The following ZNF81 variants were observed in gnomAD, a reference collection of about 807,000 sequenced individuals.
ZNF81 encodes zinc finger protein 81, also known as zinc finger protein 81 (HFZ20).
A neutral mutation model predicts 32.3 loss-of-function variants in ZNF81; 5 were observed. That is an observed-to-expected ratio of 0.15 (90% CI 0.08 to 0.33). The LOEUF is 0.33. Among genes scored for constraint, ZNF81 ranks in the 10% least tolerant of loss-of-function variants. The pLI is 1.00. For missense variants in ZNF81, 379 were observed against 479.8 expected, an observed-to-expected ratio of 0.79 and a Z score of 1.96; for synonymous variants, 163 against 166.8, an observed-to-expected ratio of 0.98 and a Z score of 0.17.
At chrX:47,878,205 C>T (rs1430366822) in intron 2 of ZNF81, among the ~76,000 whole-genome samples, 1 of 111,582 alleles carries the variant, frequency 9.0e-6, no homozygotes, top group African/African-American at 3.3e-5. Context: ...ATGAATTTTC[C>T]TCTTTTTGTC....
At chrX:47,841,949 AT>A (rs1556879834) in intron 1 of ZNF81, among the ~76,000 whole-genome samples, 1 of 111,620 alleles carries the variant, frequency 9.0e-6, no homozygotes, top group African/African-American at 3.3e-5. Context: ...TCATATAAAC[AT>A]TTAGTGCTAT....
Position 47,915,849 on chromosome X carries a change from C to T in ZNF81, c.1203C>T (p.Leu401=). Residue 401 remains leucine, a synonymous_variant, in exon 5 of 5, where the codon CTC becomes CTT. Transcript: ENST00000338637. ...AAGGCTTCTCCCTGAACTCAGCCCT[C>T]AATATACATCAGAAAATTCACACTG... ...CGKGFSLNSA[L]NIHQKIHTGE... is the part of the protein sequence containing the mutation. The T allele has an allele frequency of 1.7e-6, 2 of 1,209,914 alleles. No homozygotes were observed. The highest frequency in any genetic ancestry group is 2.2e-6 in the Non-Finnish European group (2 of 894,730).
chrX:47,870,689 G>A (rs1556883800), intron 2 of ZNF81, among the ~76,000 whole-genome samples: 1 of 112,436 alleles, frequency 8.9e-6, no homozygotes, highest in East Asian at 2.8e-4. Context: ...TGCGGGCATT[G>A]ATTCTATGAA....
rs782052766 is a variant in ZNF81 at position 47,921,730 on chromosome X, G to GCTA, written c.*5100_*5102dup. ...TGGCTCATCATAGGGGAAACCTGCT[G>GCTA]CTACATCATGAGATAGCCCTGTGGA... On this transcript the variant is annotated 3_prime_UTR_variant, in exon 5 of 5. Coordinates refer to ENST00000338637, the MANE Select transcript of ZNF81 (RefSeq NM_007137.5). The GCTA allele has an allele frequency of 2.5e-3, 274 of 111,038 alleles. 1 individual carries two copies. Among genetic ancestry groups the GCTA allele is most frequent in the African/African-American group, 8.6e-3 (262 of 30,539 alleles). The allele number at this position is 111,038 out of a possible 1,213,427, so 9.2% of individuals were successfully genotyped here.
intron 3 of ZNF81, among the ~76,000 whole-genome samples, chrX:47,892,455 T>C (rs1285937652): frequency 8.9e-6 from 1 of 112,030 alleles, no homozygotes; most frequent in Admixed American, 9.4e-5. Context: ...GATGAACAGG[T>C]ATCACAAGAT....
intron 4 of ZNF81, among the ~76,000 whole-genome samples, chrX:47,899,052 A>G (rs1198900499): frequency 9.0e-6 from 1 of 111,481 alleles, no homozygotes; most frequent in African/African-American, 3.3e-5. Context: ...AAATAGGGAC[A>G]CTTTTACATC....
chrX:47,879,144 C>T lies in ZNF81; in HGVS notation c.55-8855C>T, dbSNP rs1209972987. 7.2e-5 allele frequency among the ~76,000 whole-genome samples: 8 copies of T among 111,798 alleles called. No individual in the cohort carries two copies. In the East Asian group the frequency reaches 2.0e-3, roughly 27 times the overall value. On this transcript the variant is annotated intron_variant, in intron 2 of 4. Coordinates refer to ENST00000338637, the MANE Select transcript of ZNF81 (RefSeq NM_007137.5). ...TATTTTAGGTCTGCTGATTTAAAAC[C>T]TTAATACCGTATGCAACCTTAATTT...
At chrX:47,847,281 C>A (rs782366037) in intron 2 of ZNF81, among the ~76,000 whole-genome samples, 32 of 111,323 alleles carry the variant, frequency 2.9e-4, no homozygotes, top group Non-Finnish European at 4.9e-4. Flanking sequence ...GTGGCACGAT[C>A]ATAGCTTACT....
chrX:47,841,126 G>T, intron 1 of ZNF81: 1 of 847,467 alleles, frequency 1.2e-6, no homozygotes, highest in Non-Finnish European at 1.7e-6. Flanking sequence ...CCCTGGGAAG[G>T]CAATTTCATG....
At chrX:47,897,393 C>T (rs2058683266) in intron 4 of ZNF81, among the ~76,000 whole-genome samples, 1 of 112,050 alleles carries the variant, frequency 8.9e-6, no homozygotes, top group African/African-American at 3.2e-5. Flanking sequence ...ATATCTTTCT[C>T]ATTTTTTAAT....
intron 3 of ZNF81, among the ~76,000 whole-genome samples, chrX:47,890,610 C>T (rs1556886356): frequency 8.9e-6 from 1 of 111,782 alleles, no homozygotes; most frequent in Non-Finnish European, 1.9e-5. Context: ...TCATATGGTC[C>T]AAGCAGCAGA....
chrX:47,915,495 C>T lies in ZNF81; in HGVS notation c.849C>T (p.Phe283=), dbSNP rs781864316. ...CATGTACTGAATTTGGGAAGATCTT[C>T]ACCCAGAGGTCACATTTCTTTGCTC... ...ANTCTEFGKI[F]TQRSHFFAPQ... The change falls in exon 5 of 5, where the codon TTC becomes TTT. Residue 283 remains phenylalanine (F), a synonymous_variant. Coordinates refer to ENST00000338637, the MANE Select transcript of ZNF81 (RefSeq NM_007137.5). 7 of 1,211,637 alleles carry T rather than the reference C, an allele frequency of 5.8e-6. No homozygotes were observed. The South Asian group carries it at 1.2e-4, about 21-fold the overall frequency.
intron 2 of ZNF81, among the ~76,000 whole-genome samples, chrX:47,872,198 T>C (rs782115145): frequency 2.7e-5 from 3 of 111,898 alleles, no homozygotes; most frequent in Non-Finnish European, 5.6e-5. Context: ...ATCTGCAAAA[T>C]TGCAGCCTTT....
chrX:47,857,422 A>G (rs981064834), intron 2 of ZNF81, among the ~76,000 whole-genome samples: 27 of 112,832 alleles, frequency 2.4e-4, no homozygotes, highest in African/African-American at 8.4e-4. Flanking sequence ...GAGAAAGCAT[A>G]AATCACCTTA....
At chrX:47,839,240 G>T (rs2058437155) in intron 1 of ZNF81, among the ~76,000 whole-genome samples, 1 of 111,722 alleles carries the variant, frequency 9.0e-6, no homozygotes. Context: ...GAAGCCATCT[G>T]GGCCTGGAAA....
At chrX:47,876,354 G>A (rs2058599547) in intron 2 of ZNF81, among the ~76,000 whole-genome samples, 1 of 112,423 alleles carries the variant, frequency 8.9e-6, no homozygotes, top group Non-Finnish European at 1.9e-5. Context: ...TAGGCTAGGG[G>A]TTCTCCAAAT....
In ZNF81 at chrX:47,850,346, TTAA is replaced by T. The variant is rs1177483883; in HGVS notation, c.54+4026_54+4028del. On this transcript the variant is annotated intron_variant, in intron 2 of 4. Transcript: ENST00000338637. ...TGGGCAACATAATGAGACCCATCTC[TTAA>T]AAAAAAAAAAAAAAAAGAAAGAAAA... 5.0e-5 allele frequency among the ~76,000 whole-genome samples: 3 copies of T among 60,295 alleles called. No homozygotes were observed. The East Asian group carries it at 2.7e-3, about 55-fold the overall frequency. 52.4% of individuals were successfully genotyped at this position (60,295 alleles called of 115,157 possible).
At chrX:47,897,495 A>G (rs782108343) in intron 4 of ZNF81, among the ~76,000 whole-genome samples, 57 of 111,936 alleles carry the variant, frequency 5.1e-4, no homozygotes, top group African/African-American at 1.8e-3. Flanking sequence ...TTTTGTTCCA[A>G]TCTGTGGCTT....
chrX:47,916,811 C>T lies in ZNF81; in HGVS notation c.*179C>T. ...TTCAGAAGAAACTCTCTTAAAAATGCATTGAAGGAGAGAGAATTTGCACAG... is the reference window on the plus strand; with the variant it reads ...TTCAGAAGAAACTCTCTTAAAAATGTATTGAAGGAGAGAGAATTTGCACAG... On this transcript the variant is annotated 3_prime_UTR_variant, in exon 5 of 5. Transcript: ENST00000338637. 2.3e-6 allele frequency: 1 copy of T among 439,157 alleles called. No individual in the cohort carries two copies. The highest frequency in any genetic ancestry group is 4.2e-5 in the East Asian group (1 of 23,861). 36.2% of individuals were successfully genotyped at this position (439,157 alleles called of 1,213,427 possible). A position where few individuals can be genotyped will look rare whatever the true frequency, so the allele number is the denominator to read the frequency against.
Sources: gnomAD v4.1 joint callset for allele counts (sites outside exome capture counted in the v4.1 genomes callset) on GRCh38, gnomAD v4.1.1 for gene constraint, MANE v1.5 for transcripts, NCBI Gene and HGNC (gene_info 2026-07-23, HGNC 2026-07-21) for gene names.